Variants in SFXN5 observed in about 807,000 individuals in gnomAD.
SFXN5 encodes the protein sideroflexin 5.
A neutral mutation model predicts 50.2 loss-of-function variants in SFXN5; 43 were observed. That is an observed-to-expected ratio of 0.86 (90% CI 0.67 to 1.11). The LOEUF is 1.11. Among genes scored for constraint, SFXN5 ranks in the 50% least tolerant of loss-of-function variants. The probability of loss-of-function intolerance (pLI) is 0.00; values close to 1 mark genes in which losing one functional copy is unlikely to be tolerated. For missense variants in SFXN5, 463 were observed against 454.1 expected (o/e 1.02, Z -0.18); for synonymous variants, 203 against 185.8 (o/e 1.09, Z -0.75).
At chr2:73,021,448 C>T (rs1057101016) in intron 5 of SFXN5, among the ~76,000 whole-genome samples, 2 of 152,136 alleles carry the variant, frequency 1.3e-5, no homozygotes, top group African/African-American at 4.8e-5. Context: ...CATGCTACTG[C>T]ACTCCAGCCT....
intron 2 of SFXN5, among the ~76,000 whole-genome samples, chr2:73,050,876 C>A (rs1681222694): frequency 6.6e-6 from 1 of 152,168 alleles, no homozygotes; most frequent in African/African-American, 2.4e-5. Context: ...ATTATAAATT[C>A]TATTTTTGAA....
chr2:72,951,257 T>C (rs1043391325), intron 13 of SFXN5, among the ~76,000 whole-genome samples: 1 of 152,004 alleles, frequency 6.6e-6, no homozygotes, highest in African/African-American at 2.4e-5. Flanking sequence ...GATGTGCCCC[T>C]CTCCGTATCA....
At chr2:72,959,129 G>C (rs939986185) in intron 13 of SFXN5, among the ~76,000 whole-genome samples, 2 of 152,156 alleles carry the variant, frequency 1.3e-5, no homozygotes, top group Non-Finnish European at 2.9e-5. Flanking sequence ...GCCTGAAGCA[G>C]GTCCATGGTG....
chr2:72,965,389 C>A (rs925511113), intron 12 of SFXN5, among the ~76,000 whole-genome samples: 1 of 152,200 alleles, frequency 6.6e-6, no homozygotes, highest in East Asian at 1.9e-4. Flanking sequence ...ATTCTCCAAG[C>A]CCACGTGTGA....
intron 2 of SFXN5, among the ~76,000 whole-genome samples, chr2:73,050,277 C>T (rs772490280): frequency 1.3e-5 from 2 of 152,166 alleles, no homozygotes; most frequent in Non-Finnish European, 2.9e-5. Context: ...CTAAGCATTC[C>T]CCTGGTGGAA....
In SFXN5 at chr2:73,036,108, C is replaced by T. The variant is rs539829511; in HGVS notation, c.249+4746G>A. Among the ~76,000 whole-genome samples the T allele has an allele frequency of 1.2e-4, 19 of 152,314 alleles. No homozygotes were observed. The East Asian group carries it at 1.9e-3, about 15-fold the overall frequency. On this transcript the variant is annotated intron_variant, in intron 3 of 13. Coordinates refer to ENST00000272433, the MANE Select transcript of SFXN5 (RefSeq NM_144579.3). ...GCGCAGAGCCCAGGTGCAGGTGAGGCCACTGTCCAGACTGAGAACAAGAAC... is the reference window on the plus strand; with the variant it reads ...GCGCAGAGCCCAGGTGCAGGTGAGGTCACTGTCCAGACTGAGAACAAGAAC...
intron 2 of SFXN5, among the ~76,000 whole-genome samples, chr2:73,052,369 T>TGTGTATGC (rs1239536749): frequency 1.6e-4 from 23 of 147,552 alleles, no homozygotes; most frequent in African/African-American, 5.5e-4. Flanking sequence ...CGTGTGTGTG[T>TGTGTATGC]GTGTGTGTGT....
At chr2:73,001,655 C>T (rs2105698050) in intron 6 of SFXN5, 77 bp from the exon 7 acceptor site, 1 of 1,380,366 alleles carries the variant, frequency 7.2e-7, no homozygotes, top group Non-Finnish European at 1.0e-6. Context: ...AATACGCTAC[C>T]ACAAATGAGT....
chr2:73,006,436 A>G (rs142274554), intron 6 of SFXN5, among the ~76,000 whole-genome samples: 222 of 152,300 alleles, frequency 1.5e-3, no homozygotes, highest in African/African-American at 5.1e-3. Flanking sequence ...AGCCTGGCCA[A>G]CGTGGCGAAA....
Position 72,957,145 on chromosome 2 carries a change from CCA to C in SFXN5, c.945+3984_945+3985del, listed in dbSNP as rs1491133896. ...CCCCTTTCTCAGCTTCAACTCCCCC[CCA>C]TACACTGAAGGTTCCGTATCTCCAG... On this transcript the variant is annotated intron_variant, in intron 13 of 13. Transcript: ENST00000272433. The C allele has an allele frequency of 1.3e-4, 59 of 450,408 alleles. 1 individual carries two copies. The highest frequency in any genetic ancestry group is 9.0e-4 in the South Asian group (58 of 64,136). 27.9% of individuals were successfully genotyped at this position (450,408 alleles called of 1,614,324 possible). A position where few individuals can be genotyped will look rare whatever the true frequency, so the allele number is the denominator to read the frequency against.
At chr2:73,041,697 G>A (rs1574205173) in intron 2 of SFXN5, 1 of 363,984 alleles carries the variant, frequency 2.7e-6, no homozygotes, top group East Asian at 8.1e-5. Flanking sequence ...TTTATAAGGA[G>A]GATTTTTCCT....
intron 6 of SFXN5, among the ~76,000 whole-genome samples, chr2:73,007,394 C>G (rs1226163962): frequency 6.6e-6 from 1 of 152,054 alleles, no homozygotes; most frequent in African/African-American, 2.4e-5. Context: ...ACCCTTCACC[C>G]CATTTCTGCT....
At chr2:73,051,102 A>C (rs986929508) in intron 2 of SFXN5, among the ~76,000 whole-genome samples, 3 of 152,012 alleles carry the variant, frequency 2.0e-5, no homozygotes, top group African/African-American at 4.8e-5. Context: ...CTTGTTCCTC[A>C]TTTCTGTTTC....
chr2:72,951,181 C>T lies in SFXN5; in HGVS notation c.946-6082G>A, dbSNP rs568583396. Reference sequence around the variant, plus strand: ...TGCCCTGCCATGAAGGAAGCAGTGCCGCCCTGCTAGCGCTCCCTGACTCCC... The same window carrying T: ...TGCCCTGCCATGAAGGAAGCAGTGCTGCCCTGCTAGCGCTCCCTGACTCCC... On this transcript the variant is annotated intron_variant, in intron 13 of 13. Coordinates refer to ENST00000272433, the MANE Select transcript of SFXN5 (RefSeq NM_144579.3). 9.0e-4 allele frequency among the ~76,000 whole-genome samples: 137 copies of T among 152,262 alleles called. 1 individual carries two copies. Among genetic ancestry groups the T allele is most frequent in the African/African-American group, 3.1e-3 (129 of 41,552 alleles).
intron 3 of SFXN5, among the ~76,000 whole-genome samples, chr2:73,025,921 C>A (rs1559170825): frequency 1.3e-5 from 2 of 152,176 alleles, no homozygotes; most frequent in South Asian, 4.1e-4. Flanking sequence ...GGGGACCAGG[C>A]AAGGGTCTGA....
intron 2 of SFXN5, chr2:73,041,670 G>GA: frequency 1.0e-5 from 4 of 398,982 alleles, no homozygotes; most frequent in South Asian, 3.5e-5. Flanking sequence ...ATCTAAAAAA[G>GA]AAAAAAATAG....
chr2:72,985,454 G>A (rs941226598), intron 10 of SFXN5, among the ~76,000 whole-genome samples: 1 of 151,980 alleles, frequency 6.6e-6, no homozygotes, highest in Admixed American at 6.6e-5. Context: ...GGTGGGAAAG[G>A]GCCACACCTA....
chr2:73,047,281 C>CACAT lies in SFXN5; in HGVS notation c.172-6351_172-6350insATGT, dbSNP rs1175880051. 6.1e-3 allele frequency among the ~76,000 whole-genome samples: 355 copies of CACAT among 58,518 alleles called. 8 individuals are homozygous for CACAT. The highest frequency in any genetic ancestry group is 0.021 in the South Asian group (33 of 1,582). The allele number at this position is 58,518 out of a possible 152,430, so 38.4% of individuals were successfully genotyped here. A position where few individuals can be genotyped will look rare whatever the true frequency, so the allele number is the denominator to read the frequency against. The stretch of plus-strand genomic sequence containing the variant: ...ATATATATATATATATATATACACA[C>CACAT]ATATATATATATATATAAAATATAT... On this transcript the variant is annotated intron_variant, in intron 2 of 13. Coordinates refer to ENST00000272433, the MANE Select transcript of SFXN5 (RefSeq NM_144579.3).
Position 73,063,305 on chromosome 2 carries a change from T to C in SFXN5, c.103-4709A>G, listed in dbSNP as rs1387263062. On this transcript the variant is annotated intron_variant, in intron 1 of 13. Coordinates refer to ENST00000272433, the MANE Select transcript of SFXN5 (RefSeq NM_144579.3). ...CCCACCCACTATAGAGACAAACCTATAGTCTGACCAAGTCAGATTTACTGA... is the reference window on the plus strand; with the variant it reads ...CCCACCCACTATAGAGACAAACCTACAGTCTGACCAAGTCAGATTTACTGA... Among the ~76,000 whole-genome samples, 5 of 152,102 alleles carry C rather than the reference T, an allele frequency of 3.3e-5. No homozygotes were observed. In the East Asian group the frequency reaches 9.6e-4, roughly 29 times the overall value.
Sources: gnomAD v4.1 joint callset for allele counts (sites outside exome capture counted in the v4.1 genomes callset) on GRCh38, gnomAD v4.1.1 for gene constraint, MANE v1.5 for transcripts, NCBI Gene and HGNC (gene_info 2026-07-23, HGNC 2026-07-21) for gene names.